ARHGAP42: variants seen among roughly 807,000 people sequenced by gnomAD.
ARHGAP42 encodes rho GTPase-activating protein 42.
ARHGAP42 carries 63 observed loss-of-function variants against 125.0 expected under a neutral mutation model. The ratio of observed to expected loss-of-function variants is 0.50; its 90% CI spans 0.41 to 0.62. The LOEUF (loss-of-function observed/expected upper bound fraction) is 0.62, where lower values mean the gene tolerates loss of function less well. Among genes scored for constraint, ARHGAP42 ranks in the 20% least tolerant of loss-of-function variants. The pLI is 0.00. For missense variants in ARHGAP42, 766 were observed against 1,024.2 expected (o/e 0.75, Z 3.44); for synonymous variants, 339 against 351.0 (o/e 0.97, Z 0.38).
Position 100,976,902 on chromosome 11 carries a change from C to T in ARHGAP42, c.2324C>T (p.Pro775Leu). 2 of 1,551,522 alleles carry T rather than the reference C, an allele frequency of 1.3e-6. No homozygotes were observed. The highest frequency in any genetic ancestry group is 2.4e-5 in the East Asian group (1 of 40,926). ...TPKASPNPDL[P>L]PKMCRRLRLD... ...AAAGCTTCACCAAACCCAGACCTGCCTCCGAAAATGTGCAGGAGATTAAGA... is the reference window on the plus strand; with the variant it reads ...AAAGCTTCACCAAACCCAGACCTGCTTCCGAAAATGTGCAGGAGATTAAGA... Residue 775 changes from proline to leucine, a missense_variant, in exon 21 of 24, where the codon CCT becomes CTT. This residue lies in a region of ARHGAP42 where 308 missense variants were observed against 369.7 expected (regional missense o/e 0.83). Transcript: ENST00000298815.
intron 4 of ARHGAP42, among the ~76,000 whole-genome samples, chr11:100,876,928 G>C (rs1365294304): frequency 6.6e-5 from 10 of 152,140 alleles, no homozygotes; most frequent in Admixed American, 6.5e-4. Context: ...TTTGCATCAA[G>C]AGCCTGGTGA....
intron 4 of ARHGAP42, among the ~76,000 whole-genome samples, chr11:100,888,149 A>G (rs1025485038): frequency 2.6e-5 from 4 of 152,204 alleles, no homozygotes; most frequent in Non-Finnish European, 5.9e-5. Flanking sequence ...TTCACATAAG[A>G]AGGTACAGTT....
At chr11:100,954,864 TTTTA>T (rs1334447002) in intron 12 of ARHGAP42, among the ~76,000 whole-genome samples, 2 of 152,192 alleles carry the variant, frequency 1.3e-5, no homozygotes, top group Non-Finnish European at 2.9e-5. Flanking sequence ...CTAATTTATT[TTTTA>T]TTTATTTCAG....
intron 1 of ARHGAP42, among the ~76,000 whole-genome samples, chr11:100,725,629 A>G (rs550238582): frequency 8.3e-6 from 1 of 119,878 alleles, no homozygotes; most frequent in Admixed American, 9.8e-5. Context: ...TAAAAAAACA[A>G]AAATAATAAT....
chr11:100,847,960 G>T (rs927532405), intron 3 of ARHGAP42, among the ~76,000 whole-genome samples: 1 of 152,022 alleles, frequency 6.6e-6, no homozygotes, highest in Admixed American at 6.6e-5. Flanking sequence ...AGTGTAGAGT[G>T]TTTTCTTATC....
intron 1 of ARHGAP42, among the ~76,000 whole-genome samples, chr11:100,722,787 A>G (rs1861786333): frequency 6.6e-6 from 1 of 152,180 alleles, no homozygotes; most frequent in Non-Finnish European, 1.5e-5. Context: ...CAGAACAGAC[A>G]TTTTCAATGT....
At chr11:100,793,244 T>C (rs989298934) in intron 2 of ARHGAP42, among the ~76,000 whole-genome samples, 4 of 152,182 alleles carry the variant, frequency 2.6e-5, no homozygotes, top group African/African-American at 9.7e-5. Context: ...TGGAATACTT[T>C]AACCAAAAGA....
chr11:100,943,550 TAAAA>T (rs1867937277), intron 9 of ARHGAP42, among the ~76,000 whole-genome samples: 1 of 152,086 alleles, frequency 6.6e-6, no homozygotes, highest in Non-Finnish European at 1.5e-5. Context: ...TTCTTTTAAA[TAAAA>T]CATGCATATG....
At chr11:100,828,514 C>T (rs1200888520) in intron 3 of ARHGAP42, among the ~76,000 whole-genome samples, 7 of 151,946 alleles carry the variant, frequency 4.6e-5, no homozygotes, top group Non-Finnish European at 1.0e-4. Flanking sequence ...TGTGTGGACC[C>T]CTGGTGGTGG....
chr11:100,690,513 T>C (rs570149220), intron 1 of ARHGAP42, among the ~76,000 whole-genome samples: 2 of 152,316 alleles, frequency 1.3e-5, no homozygotes, highest in South Asian at 4.1e-4. Context: ...ACTAGAAGAT[T>C]TCAATTGAAC....
intron 2 of ARHGAP42, among the ~76,000 whole-genome samples, chr11:100,786,543 A>T (rs1863439021): frequency 6.6e-6 from 1 of 152,148 alleles, no homozygotes; most frequent in South Asian, 2.1e-4. Context: ...CCTAGTATAC[A>T]TATATGAGTA....
intron 4 of ARHGAP42, among the ~76,000 whole-genome samples, chr11:100,903,691 T>G (rs1313019606): frequency 8.7e-6 from 1 of 115,556 alleles, no homozygotes; most frequent in Non-Finnish European, 1.8e-5. Flanking sequence ...AGAATGTATA[T>G]ATATACATGT....
chr11:100,750,936 CTT>C lies in ARHGAP42; in HGVS notation c.155-19389_155-19388del, dbSNP rs762255065. Among the ~76,000 whole-genome samples the C allele has an allele frequency of 3.6e-3, 454 of 126,790 alleles. 2 individuals carry two copies. The highest frequency in any genetic ancestry group is 9.6e-3 in the African/African-American group (315 of 32,924). The allele number at this position is 126,790 out of a possible 152,430, so 83.2% of individuals were successfully genotyped here. ...TTTCTTCATTCTTCCTTGATGTATA[CTT>C]TTTTTTTTTTTTTTTTTGAGATGGA... On this transcript the variant is annotated intron_variant, in intron 1 of 23. Transcript: ENST00000298815.
chr11:100,912,307 T>C (rs1714420068), intron 4 of ARHGAP42, among the ~76,000 whole-genome samples: 1 of 152,192 alleles, frequency 6.6e-6, no homozygotes, highest in African/African-American at 2.4e-5. Flanking sequence ...TCTGTGCATC[T>C]ATTCATTGAT....
At chr11:100,981,939 G>T (rs1459825933) in intron 22 of ARHGAP42, among the ~76,000 whole-genome samples, 1 of 152,114 alleles carries the variant, frequency 6.6e-6, no homozygotes, top group Non-Finnish European at 1.5e-5. Context: ...TGGCCATAGG[G>T]TTTGAGGAGG....
rs570328757 is a variant in ARHGAP42, at chr11:100,795,090, T to TA, written c.251-14dup. On this transcript the variant is annotated splice_polypyrimidine_tract_variant and intron_variant, in intron 2 of 23. Coordinates refer to ENST00000298815, the MANE Select transcript of ARHGAP42 (RefSeq NM_152432.4). The stretch of plus-strand genomic sequence containing the variant: ...AAAATATTAATTCTTTGCATTTTTT[T>TA]ATCTTTCCAAACAGCTCAGTCACTA... The TA allele has an allele frequency of 1.8e-5, 28 of 1,529,042 alleles. 1 individual carries two copies. In the South Asian group the frequency reaches 3.0e-4, roughly 17 times the overall value. 94.7% of individuals were successfully genotyped at this position (1,529,042 alleles called of 1,614,324 possible).
chr11:100,871,094 A>T (rs1865684606), intron 4 of ARHGAP42, among the ~76,000 whole-genome samples: 1 of 152,330 alleles, frequency 6.6e-6, no homozygotes, highest in East Asian at 1.9e-4. Flanking sequence ...TGCTGTCACC[A>T]ACATTCTATA....
chr11:100,728,428 G>A (rs979312702), intron 1 of ARHGAP42, among the ~76,000 whole-genome samples: 1 of 152,000 alleles, frequency 6.6e-6, no homozygotes, highest in Admixed American at 6.6e-5. Context: ...AGATGCCTTG[G>A]GCAAGAGACG....
At chr11:100,910,510 A>G (rs1866882652) in intron 4 of ARHGAP42, among the ~76,000 whole-genome samples, 1 of 152,142 alleles carries the variant, frequency 6.6e-6, no homozygotes, top group South Asian at 2.1e-4. Context: ...GTGATCATGA[A>G]CAGCATTTAG....
Sources: gnomAD v4.1 joint callset for allele counts (sites outside exome capture counted in the v4.1 genomes callset) on GRCh38, gnomAD v4.1.1 for gene constraint, gnomAD v4.1.1 regional missense constraint, MANE v1.5 for transcripts, NCBI Gene and HGNC (gene_info 2026-07-23, HGNC 2026-07-21) for gene names.